Variants in RANBP2 observed in about 807,000 individuals in gnomAD.
RANBP2 encodes the protein E3 SUMO-protein ligase RanBP2.
RANBP2 carries 57 observed loss-of-function variants against 303.6 expected under a neutral mutation model. The observed-to-expected ratio is 0.19, with a 90% CI of 0.15 to 0.23. RANBP2 has a LOEUF of 0.23. RANBP2 is among the 10% of genes least tolerant of loss of function. The pLI is 1.00. For synonymous variants in RANBP2, 1,167 were observed against 1,301.5 expected, an observed-to-expected ratio of 0.90 and a Z score of 2.23; for missense variants, 3,138 against 3,780.8, an observed-to-expected ratio of 0.83 and a Z score of 4.46.
At position 108,765,930 on chromosome 2, in the gene RANBP2, T is replaced by C. The variant is rs1307984340; in HGVS notation, c.5391T>C (p.Ser1797=). The change falls in exon 20 of 29, where the codon TCT becomes TCC. Residue 1797 remains serine (S), a synonymous_variant. Transcript: ENST00000283195. ...TTTGCTGTGTACAAAATGAGAGTTCTTCCTTAAAATGTGTGGCTTGTGATG... is the reference window on the plus strand; with the variant it reads ...TTTGCTGTGTACAAAATGAGAGTTCCTCCTTAAAATGTGTGGCTTGTGATG... The part of the protein sequence containing the change: ...CSVCCVQNES[S]SLKCVACDAS... 6.2e-7 allele frequency: 1 copy of C among 1,614,204 alleles called. No individual in the cohort carries two copies. The highest frequency in any genetic ancestry group is 1.7e-5 in the Admixed American group (1 of 60,020).
chr2:109,319,742 C>T, the RANBP2 span, among the ~76,000 whole-genome samples: 3 of 152,242 alleles, frequency 2.0e-5, no homozygotes, highest in Non-Finnish European at 4.4e-5. Context: ...CTGCCTGCCC[C>T]CAGCCTGTCC....
chr2:109,689,935 C>T, the RANBP2 span, among the ~76,000 whole-genome samples: 12 of 152,116 alleles, frequency 7.9e-5, no homozygotes, highest in Non-Finnish European at 1.3e-4. Context: ...AAATTGTATT[C>T]GATTTAACCA....
the RANBP2 span, among the ~76,000 whole-genome samples, chr2:108,808,127 A>G: frequency 2.0e-5 from 3 of 152,164 alleles, no homozygotes; most frequent in Non-Finnish European, 4.4e-5. Flanking sequence ...TTTCAGGTTC[A>G]TCCATGTTGC....
chr2:109,632,623 C>T, the RANBP2 span, among the ~76,000 whole-genome samples: 1 of 152,064 alleles, frequency 6.6e-6, no homozygotes, highest in Non-Finnish European at 1.5e-5. Context: ...GCCAGCCTGG[C>T]CAATATGGTG....
At chr2:108,890,376 C>T in the RANBP2 span, among the ~76,000 whole-genome samples, 4 of 152,010 alleles carry the variant, frequency 2.6e-5, no homozygotes, top group African/African-American at 9.7e-5. Flanking sequence ...TCCTTAGTAG[C>T]TGGGACCACA....
At chr2:108,797,933 C>T in the RANBP2 span, among the ~76,000 whole-genome samples, 120,554 of 151,048 alleles carry the variant, frequency 0.8, 48,397 homozygotes, top group East Asian at 0.95. Flanking sequence ...ACCATGAATT[C>T]GCAATGGGGC....
At chr2:109,116,451 G>A in the RANBP2 span, among the ~76,000 whole-genome samples, 23 of 152,118 alleles carry the variant, frequency 1.5e-4, no homozygotes, top group East Asian at 3.9e-4. Context: ...CATTCTTCAC[G>A]TAGTTCTAGA....
the RANBP2 span, among the ~76,000 whole-genome samples, chr2:109,668,890 T>C: frequency 6.6e-6 from 1 of 152,222 alleles, no homozygotes; most frequent in Middle Eastern, 3.4e-3. Flanking sequence ...TATAAACACT[T>C]CTTAGCCAAT....
At chr2:109,546,103 G>A in the RANBP2 span, 1 of 1,610,046 alleles carries the variant, frequency 6.2e-7, no homozygotes, top group South Asian at 1.1e-5. Flanking sequence ...GAAAGGACTG[G>A]CTGTGAAATA....
chr2:109,615,170 G>A, the RANBP2 span: 13 of 1,548,904 alleles, frequency 8.4e-6, no homozygotes, highest in Non-Finnish European at 4.4e-6. Flanking sequence ...GCAGCAGCCC[G>A]GGCAGCTCCT....
chr2:108,759,037 A>G (rs1329311900), intron 18 of RANBP2, among the ~76,000 whole-genome samples: 1 of 149,330 alleles, frequency 6.7e-6, no homozygotes, highest in Non-Finnish European at 1.5e-5. Flanking sequence ...TTACTATAAT[A>G]GCTGTGTAAG....
chr2:109,530,522 C>T, the RANBP2 span, among the ~76,000 whole-genome samples: 1 of 152,130 alleles, frequency 6.6e-6, no homozygotes, highest in African/African-American at 2.4e-5. Flanking sequence ...AATAAGAAAA[C>T]GTGTCTATAC....
the RANBP2 span, among the ~76,000 whole-genome samples, chr2:109,701,884 C>T: frequency 1.3e-5 from 2 of 152,192 alleles, no homozygotes; most frequent in African/African-American, 4.8e-5. Flanking sequence ...AAAGGCCAGT[C>T]AGTCCCTGAG....
the RANBP2 span, among the ~76,000 whole-genome samples, chr2:109,433,802 G>A: frequency 2.6e-5 from 4 of 152,332 alleles, no homozygotes; most frequent in East Asian, 7.7e-4. Context: ...AGGCTGAAGG[G>A]GCAGTTAGAG....
At chr2:108,925,768 C>T in the RANBP2 span, among the ~76,000 whole-genome samples, 1 of 152,146 alleles carries the variant, frequency 6.6e-6, no homozygotes, top group East Asian at 1.9e-4. Context: ...CAGGCATGCA[C>T]CACGACGCCT....
At chr2:108,871,923 T>C in the RANBP2 span, among the ~76,000 whole-genome samples, 1 of 152,318 alleles carries the variant, frequency 6.6e-6, no homozygotes. Context: ...TTATATTCAG[T>C]GATCAAGACT....
chr2:109,444,563 G>A, the RANBP2 span, among the ~76,000 whole-genome samples: 5 of 152,198 alleles, frequency 3.3e-5, no homozygotes, highest in Admixed American at 3.3e-4. Context: ...GTGAGAGAAA[G>A]AAGAGAGAGC....
chr2:109,365,265 A>G, the RANBP2 span, among the ~76,000 whole-genome samples: 5 of 152,172 alleles, frequency 3.3e-5, no homozygotes, highest in Admixed American at 1.3e-4. Context: ...ACAATTCACA[A>G]AGGTGTGGGC....
chr2:109,320,759 T>A, the RANBP2 span, among the ~76,000 whole-genome samples: 1 of 152,356 alleles, frequency 6.6e-6, no homozygotes, highest in South Asian at 2.1e-4. Context: ...ATGAACTTTC[T>A]GCTGGGAGAA....
Sources: allele counts gnomAD v4.1 joint callset (sites outside exome capture counted in the v4.1 genomes callset), GRCh38; gene constraint gnomAD v4.1.1; transcripts MANE v1.5; gene names NCBI Gene and HGNC (gene_info 2026-07-23, HGNC 2026-07-21).